The following TMC1 variants were observed in gnomAD, a reference collection of about 807,000 sequenced individuals.
TMC1 encodes the protein transmembrane channel-like protein 1.
TMC1 carries 84 observed loss-of-function variants against 105.8 expected under a neutral mutation model. The ratio of observed to expected loss-of-function variants is 0.79; its 90% CI spans 0.67 to 0.95. TMC1 has a LOEUF of 0.95. TMC1 is among the 40% of genes least tolerant of loss of function. The pLI is 0.00. For missense variants in TMC1, 817 were observed against 914.1 expected (o/e 0.89, Z 1.37); for synonymous variants, 315 against 311.5 (o/e 1.01, Z -0.12).
intron 2 of TMC1, among the ~76,000 whole-genome samples, chr9:72,578,928 G>A (rs142719033): frequency 1.3e-5 from 2 of 152,276 alleles, no homozygotes; most frequent in East Asian, 1.9e-4. Flanking sequence ...GATGTTGGTC[G>A]TTGGATGAAT....
At position 72,658,135 on chromosome 9, in the gene TMC1, C is replaced by T. The variant is rs578124039; in HGVS notation, c.16+9471C>T. Among the ~76,000 whole-genome samples, 76 of 151,936 alleles carry T rather than the reference C, an allele frequency of 5.0e-4. 2 individuals are homozygous for T. In the South Asian group the frequency reaches 0.015, roughly 31 times the overall value. ...AATATATGTTGATTACTGAATACAA[C>T]AAAAAGTGTAATAGACACTCCTTGA... On this transcript the variant is annotated intron_variant, in intron 5 of 23. Coordinates refer to ENST00000297784, the MANE Select transcript of TMC1 (RefSeq NM_138691.3).
At chr9:72,692,109 G>A (rs1050017813) in intron 6 of TMC1, among the ~76,000 whole-genome samples, 2 of 152,160 alleles carry the variant, frequency 1.3e-5, no homozygotes, top group African/African-American at 4.8e-5. Flanking sequence ...TAAATTGGGG[G>A]AGTGGCTATT....
intron 17 of TMC1, among the ~76,000 whole-genome samples, chr9:72,794,286 T>A (rs554548943): frequency 8.6e-5 from 13 of 152,036 alleles, no homozygotes; most frequent in Non-Finnish European, 1.9e-4. Flanking sequence ...AACATAACGC[T>A]GAGATTGCCC....
At chr9:72,661,909 A>G (rs1383867822) in intron 5 of TMC1, among the ~76,000 whole-genome samples, 1 of 152,224 alleles carries the variant, frequency 6.6e-6, no homozygotes, top group East Asian at 1.9e-4. Flanking sequence ...GAAAGTCTAC[A>G]TGGGGAACCA....
intron 4 of TMC1, among the ~76,000 whole-genome samples, chr9:72,631,135 T>G (rs1825441918): frequency 6.6e-6 from 1 of 152,160 alleles, no homozygotes. Flanking sequence ...GGATTTGGCC[T>G]CCCAAAATGC....
At chr9:72,755,506 C>T (rs922043739) in intron 12 of TMC1, among the ~76,000 whole-genome samples, 3 of 152,056 alleles carry the variant, frequency 2.0e-5, no homozygotes, top group Non-Finnish European at 4.4e-5. Context: ...TTCAAATGAG[C>T]ATTACTCCTT....
At chr9:72,724,133 G>A (rs1827076922) in intron 8 of TMC1, among the ~76,000 whole-genome samples, 1 of 152,142 alleles carries the variant, frequency 6.6e-6, no homozygotes, top group Admixed American at 6.5e-5. Context: ...CATTTAATTA[G>A]CAAGAATTTA....
intron 23 of TMC1, among the ~76,000 whole-genome samples, chr9:72,834,174 C>T (rs1045154457): frequency 3.9e-5 from 6 of 151,962 alleles, no homozygotes; most frequent in African/African-American, 1.2e-4. Context: ...ATTTTAGTTT[C>T]TGCAAGCTGT....
intron 21 of TMC1, among the ~76,000 whole-genome samples, chr9:72,829,561 C>A (rs905794239): frequency 9.2e-5 from 14 of 152,084 alleles, no homozygotes; most frequent in African/African-American, 3.4e-4. Context: ...TATTGCCCTG[C>A]ATGCATTTAT....
chr9:72,676,298 T>G (rs1384419273), intron 5 of TMC1, among the ~76,000 whole-genome samples: 4 of 152,292 alleles, frequency 2.6e-5, no homozygotes, highest in African/African-American at 7.2e-5. Context: ...TACTTGTAGA[T>G]GCTAAGGTAT....
intron 1 of TMC1, among the ~76,000 whole-genome samples, chr9:72,531,680 C>A (rs563068142): frequency 1.3e-5 from 2 of 152,316 alleles, no homozygotes; most frequent in South Asian, 4.1e-4. Flanking sequence ...ATTACTCTTA[C>A]ATCTAGGGTG....
At chr9:72,540,033 GT>G (rs1823647980) in intron 1 of TMC1, among the ~76,000 whole-genome samples, 1 of 151,928 alleles carries the variant, frequency 6.6e-6, no homozygotes, top group Admixed American at 6.6e-5. Context: ...AGGTACCATG[GT>G]CTTTTTAACA....
At chr9:72,769,995 T>C (rs1323443259) in intron 12 of TMC1, among the ~76,000 whole-genome samples, 1 of 152,010 alleles carries the variant, frequency 6.6e-6, no homozygotes, top group Admixed American at 6.6e-5. Flanking sequence ...TTAACACAAG[T>C]GGGAAGAAGC....
intron 12 of TMC1, among the ~76,000 whole-genome samples, chr9:72,767,133 A>G (rs1271280521): frequency 6.6e-6 from 1 of 152,212 alleles, no homozygotes; most frequent in Non-Finnish European, 1.5e-5. Context: ...GGTGTAAATA[A>G]CCAGCAACAA....
intron 12 of TMC1, among the ~76,000 whole-genome samples, chr9:72,763,547 T>A (rs1193279681): frequency 6.6e-6 from 1 of 152,182 alleles, no homozygotes; most frequent in Non-Finnish European, 1.5e-5. Context: ...GAAAGTAATG[T>A]TCAAATTGGG....
chr9:72,553,594 AG>A (rs1823889587), intron 1 of TMC1, among the ~76,000 whole-genome samples: 1 of 152,144 alleles, frequency 6.6e-6, no homozygotes, highest in Non-Finnish European at 1.5e-5. Context: ...ATTTTATCAG[AG>A]TTTGCCTGTA....
intron 3 of TMC1, among the ~76,000 whole-genome samples, chr9:72,618,418 A>G (rs1169677489): frequency 1.3e-5 from 2 of 152,236 alleles, no homozygotes; most frequent in African/African-American, 4.8e-5. Flanking sequence ...AATTTCTAAA[A>G]AGGAAGTCAA....
At chr9:72,613,613 C>CTGTGAAAGACTCAGATG (rs1474358934) in intron 2 of TMC1, among the ~76,000 whole-genome samples, 8 of 152,092 alleles carry the variant, frequency 5.3e-5, no homozygotes, top group Non-Finnish European at 1.5e-5. Context: ...GAAGGACTAT[C>CTGTGAAAGACTCAGATG]TGTGAAAGAC....
chr9:72,639,782 G>T (rs891726415), intron 4 of TMC1, among the ~76,000 whole-genome samples: 5 of 152,096 alleles, frequency 3.3e-5, no homozygotes, highest in Admixed American at 6.6e-5. Flanking sequence ...TATTTAAAAA[G>T]TGTATGTCAA....
Sources: gnomAD v4.1 joint callset for allele counts (sites outside exome capture counted in the v4.1 genomes callset) on GRCh38, gnomAD v4.1.1 for gene constraint, MANE v1.5 for transcripts, NCBI Gene and HGNC (gene_info 2026-07-23, HGNC 2026-07-21) for gene names.